Variants in RBFOX1 observed in about 807,000 individuals in gnomAD.
RBFOX1 encodes the protein RNA binding fox-1 homolog 1.
RBFOX1 carries 8 observed loss-of-function variants against 57.7 expected under a neutral mutation model. That is an observed-to-expected ratio of 0.14 (90% confidence interval 0.08 to 0.25). The LOEUF is 0.25. Among genes scored for constraint, RBFOX1 ranks in the 10% least tolerant of loss-of-function variants. The pLI is 1.00. For synonymous variants in RBFOX1, 326 were observed against 222.4 expected, an observed-to-expected ratio of 1.47 and a Z score of -4.15; for missense variants, 611 against 548.5, an observed-to-expected ratio of 1.11 and a Z score of -1.14.
At chr16:5,549,980 T>A (rs1007052063) in intron 2 of RBFOX1, among the ~76,000 whole-genome samples, 4 of 152,218 alleles carry the variant, frequency 2.6e-5, no homozygotes, top group Non-Finnish European at 4.4e-5. Context: ...ATGCTTGTAT[T>A]TTGCATATTG....
At chr16:5,754,111 G>A (rs1011859848) in intron 3 of RBFOX1, among the ~76,000 whole-genome samples, 3 of 152,166 alleles carry the variant, frequency 2.0e-5, no homozygotes, top group Admixed American at 1.3e-4. Flanking sequence ...GCTTTTGAGG[G>A]TAATTTTAGC....
At chr16:7,640,126 G>A (rs747103787) in intron 11 of RBFOX1, among the ~76,000 whole-genome samples, 2 of 152,148 alleles carry the variant, frequency 1.3e-5, no homozygotes, top group African/African-American at 4.8e-5. Flanking sequence ...AGGTTCATTT[G>A]TATTTTTAAT....
chr16:6,483,328 A>G (rs540806727), intron 2 of RBFOX1: 18 of 1,465,884 alleles, frequency 1.2e-5, no homozygotes, highest in Non-Finnish European at 1.6e-5. Flanking sequence ...GGCGTTCTGC[A>G]CCTGCTGGCG....
intron 4 of RBFOX1, among the ~76,000 whole-genome samples, chr16:7,389,076 C>T (rs56028110): frequency 0.081 from 12,378 of 152,184 alleles, 545 homozygotes; most frequent in East Asian, 0.2. Flanking sequence ...TTCAGTGCAG[C>T]ACCATTCTTT....
chr16:6,434,194 G>A (rs568280093), intron 2 of RBFOX1, among the ~76,000 whole-genome samples: 13 of 152,070 alleles, frequency 8.5e-5, no homozygotes, highest in African/African-American at 2.2e-4. Context: ...TGGGTTATCC[G>A]GAATAATCTC....
intron 3 of RBFOX1, among the ~76,000 whole-genome samples, chr16:7,045,279 C>G (rs929653112): frequency 6.6e-6 from 1 of 151,498 alleles, no homozygotes; most frequent in East Asian, 1.9e-4. Flanking sequence ...GGTGCATGAC[C>G]CAAAAAAAGA....
intron 3 of RBFOX1, among the ~76,000 whole-genome samples, chr16:6,810,356 C>G (rs1325923425): frequency 6.6e-6 from 1 of 152,048 alleles, no homozygotes; most frequent in Non-Finnish European, 1.5e-5. Flanking sequence ...GCATTTTTTC[C>G]TCTCCTTGTC....
At chr16:6,113,372 G>T (rs1377292588) in intron 1 of RBFOX1, among the ~76,000 whole-genome samples, 1 of 152,184 alleles carries the variant, frequency 6.6e-6, no homozygotes, top group Non-Finnish European at 1.5e-5. Flanking sequence ...ATTAGGCTAT[G>T]ATACTGATGT....
At position 5,415,809 on chromosome 16, in the gene RBFOX1, A is replaced by C. The variant is rs527979732; in HGVS notation, c.220-51407A>C. Among the ~76,000 whole-genome samples, 3 of 152,336 alleles carry C rather than the reference A, an allele frequency of 2.0e-5. No individual in the cohort carries two copies. The South Asian group carries it at 6.2e-4, about 32-fold the overall frequency. ...ATAGCAAAAATAATGACAGTGGTGAAAGAATGTCCTGTATCTCCCATTAAG... is the reference window on the plus strand; with the variant it reads ...ATAGCAAAAATAATGACAGTGGTGACAGAATGTCCTGTATCTCCCATTAAG... On this transcript the variant is annotated intron_variant, in intron 1 of 2. Coordinates refer to the RBFOX1 transcript ENST00000585867.
In RBFOX1 at chr16:6,930,453, A is replaced by G. The variant is rs548184079; in HGVS notation, c.-15-121604A>G. Among the ~76,000 whole-genome samples, 26 of 152,278 alleles carry G rather than the reference A, an allele frequency of 1.7e-4. No individual in the cohort carries two copies. In the South Asian group the frequency reaches 4.4e-3, roughly 25 times the overall value. On this transcript the variant is annotated intron_variant, in intron 3 of 15. Transcript: ENST00000550418. Reference sequence around the variant, plus strand: ...GAGAAACAGTCTCACTCTGTCACCCAGGCTGGAGCGCAGTGGTGTGATCTC... The same window carrying G: ...GAGAAACAGTCTCACTCTGTCACCCGGGCTGGAGCGCAGTGGTGTGATCTC...
intron 5 of RBFOX1, among the ~76,000 whole-genome samples, chr16:7,561,502 C>T (rs1266870767): frequency 6.6e-6 from 1 of 152,222 alleles, no homozygotes; most frequent in Non-Finnish European, 1.5e-5. Flanking sequence ...CCGAAATATC[C>T]TGACTAGTGT....
chr16:6,813,394 G>C (rs141192289), intron 3 of RBFOX1, among the ~76,000 whole-genome samples: 5 of 152,102 alleles, frequency 3.3e-5, no homozygotes, highest in African/African-American at 9.7e-5. Flanking sequence ...GAGAATGCTC[G>C]TATGGGTTCC....
intron 3 of RBFOX1, among the ~76,000 whole-genome samples, chr16:5,836,827 G>C (rs1314106700): frequency 6.6e-6 from 1 of 152,198 alleles, no homozygotes; most frequent in East Asian, 1.9e-4. Flanking sequence ...GAAGCACCCA[G>C]ATGAGAATGC....
At chr16:7,222,912 C>T (rs2092833887) in intron 4 of RBFOX1, among the ~76,000 whole-genome samples, 2 of 152,110 alleles carry the variant, frequency 1.3e-5, no homozygotes, top group South Asian at 4.1e-4. Context: ...CTACATTTTG[C>T]TCAACCAGTC....
intron 3 of RBFOX1, among the ~76,000 whole-genome samples, chr16:6,779,622 G>T (rs893559925): frequency 6.9e-6 from 1 of 145,218 alleles, no homozygotes; most frequent in Admixed American, 7.3e-5. Context: ...ACTAACTTAC[G>T]TTCCCACCAA....
chr16:7,386,083 C>G (rs1028209265), intron 4 of RBFOX1, among the ~76,000 whole-genome samples: 8 of 151,966 alleles, frequency 5.3e-5, no homozygotes, highest in Admixed American at 1.3e-4. Context: ...GCCACCATGC[C>G]CAGCCAGCTT....
chr16:6,118,836 C>T (rs1038344211), intron 1 of RBFOX1, among the ~76,000 whole-genome samples: 1 of 151,252 alleles, frequency 6.6e-6, no homozygotes, highest in South Asian at 2.1e-4. Context: ...CTCTTTCTCT[C>T]TTTCCCCATC....
chr16:5,745,867 A>C (rs1330815476), intron 3 of RBFOX1, among the ~76,000 whole-genome samples: 1 of 151,948 alleles, frequency 6.6e-6, no homozygotes, highest in Non-Finnish European at 1.5e-5. Context: ...GATTGCAAAA[A>C]TTTTCTCCCA....
intron 2 of RBFOX1, among the ~76,000 whole-genome samples, chr16:6,624,555 G>T (rs535529798): frequency 1.3e-5 from 2 of 152,250 alleles, no homozygotes; most frequent in South Asian, 4.2e-4. Flanking sequence ...TCCCTTGGCA[G>T]TGAGGACGTC....
Sources: gnomAD v4.1 joint callset for allele counts (sites outside exome capture counted in the v4.1 genomes callset) on GRCh38, gnomAD v4.1.1 for gene constraint, MANE v1.5 for transcripts, NCBI Gene and HGNC (gene_info 2026-07-23, HGNC 2026-07-21) for gene names.